SNX13: variants seen among roughly 807,000 people sequenced by gnomAD.
The protein encoded by SNX13 is sorting nexin-13.
Under a neutral mutation model 133.6 loss-of-function variants are expected in SNX13, and 45 were observed. The ratio of observed to expected loss-of-function variants is 0.34; its 90% CI spans 0.27 to 0.43. The LOEUF is 0.43. Among genes scored for constraint, SNX13 ranks in the 20% least tolerant of loss-of-function variants. The pLI is 1.00. For missense variants in SNX13, 1,032 were observed against 1,145.1 expected, an observed-to-expected ratio of 0.90 and a Z score of 1.43; for synonymous variants, 414 against 373.9, an observed-to-expected ratio of 1.11 and a Z score of -1.24.
chr7:17,893,868 A>G (rs1450034121), intron 2 of SNX13, among the ~76,000 whole-genome samples: 2 of 151,208 alleles, frequency 1.3e-5, no homozygotes, highest in Non-Finnish European at 2.9e-5. Context: ...GCTACTTGGG[A>G]GGCTGAGGCA....
At chr7:17,808,793 C>A (rs929261218) in intron 20 of SNX13, among the ~76,000 whole-genome samples, 1 of 152,070 alleles carries the variant, frequency 6.6e-6, no homozygotes, top group Non-Finnish European at 1.5e-5. Context: ...AGAGTGAGGG[C>A]CAATATTCAA....
chr7:17,832,124 AATAACTG>A, intron 15 of SNX13: 1 of 984,266 alleles, frequency 1.0e-6, no homozygotes, highest in Non-Finnish European at 1.2e-6. Context: ...GGGGTTACTC[AATAACTG>A]ATATATAAGA....
intron 5 of SNX13, chr7:17,888,920 T>C (rs1796311826): frequency 1.4e-5 from 4 of 278,812 alleles, no homozygotes; most frequent in Middle Eastern, 1.2e-3. Flanking sequence ...AAACTCAAGT[T>C]TTCAGATTAC....
chr7:17,811,354 A>G (rs1186867163), intron 20 of SNX13, among the ~76,000 whole-genome samples: 1 of 152,202 alleles, frequency 6.6e-6, no homozygotes, highest in African/African-American at 2.4e-5. Context: ...CTATACACCA[A>G]TAATAGACAA....
At chr7:17,927,209 T>C (rs757119293) in intron 1 of SNX13, among the ~76,000 whole-genome samples, 48 of 149,782 alleles carry the variant, frequency 3.2e-4, no homozygotes, top group South Asian at 1.2e-3. Flanking sequence ...TGTGTATATA[T>C]AATATATATG....
intron 22 of SNX13, among the ~76,000 whole-genome samples, chr7:17,799,948 C>A (rs1463645271): frequency 2.0e-5 from 3 of 151,732 alleles, no homozygotes; most frequent in African/African-American, 7.2e-5. Flanking sequence ...AATTTAAATA[C>A]TGGCAAGAAA....
chr7:17,886,185 TCA>T (rs1437240930), intron 5 of SNX13, among the ~76,000 whole-genome samples: 1 of 152,116 alleles, frequency 6.6e-6, no homozygotes, highest in African/African-American at 2.4e-5. Flanking sequence ...ATCATTAGTA[TCA>T]CAGCCAGCGA....
intron 1 of SNX13, among the ~76,000 whole-genome samples, chr7:17,938,369 A>T (rs1802354515): frequency 6.6e-6 from 1 of 152,200 alleles, no homozygotes; most frequent in African/African-American, 2.4e-5. Flanking sequence ...ACTGTCACTA[A>T]TATTTAATAA....
chr7:17,901,004 G>T (rs1325976595), intron 1 of SNX13, among the ~76,000 whole-genome samples: 2 of 150,412 alleles, frequency 1.3e-5, no homozygotes, highest in Non-Finnish European at 3.0e-5. Context: ...TGATTATTCA[G>T]GGACCAAGGG....
chr7:17,869,348 T>C (rs1793772900), intron 8 of SNX13, among the ~76,000 whole-genome samples: 1 of 152,150 alleles, frequency 6.6e-6, no homozygotes, highest in East Asian at 1.9e-4. Flanking sequence ...CTCAAGGTCA[T>C]TGTTTTAAAC....
chr7:17,832,147 A>G, intron 15 of SNX13: 2 of 984,336 alleles, frequency 2.0e-6, no homozygotes, highest in East Asian at 1.1e-4. Context: ...TAAGAGAAGC[A>G]TATTTACTTC....
intron 1 of SNX13, among the ~76,000 whole-genome samples, chr7:17,922,303 T>C (rs1800211300): frequency 6.6e-6 from 1 of 152,146 alleles, no homozygotes; most frequent in African/African-American, 2.4e-5. Flanking sequence ...GGGGTCTTAG[T>C]TTCCACTACA....
chr7:17,847,325 T>G (rs186184945), intron 11 of SNX13, among the ~76,000 whole-genome samples: 117 of 152,210 alleles, frequency 7.7e-4, no homozygotes, highest in African/African-American at 2.6e-3. Flanking sequence ...TTAAGGGTTT[T>G]TTTGTTTGTT....
intron 17 of SNX13, among the ~76,000 whole-genome samples, chr7:17,824,472 C>A (rs1352810234): frequency 6.6e-6 from 1 of 152,042 alleles, no homozygotes; most frequent in African/African-American, 2.4e-5. Flanking sequence ...GTTTACCATG[C>A]ATAATTACCA....
At chr7:17,809,917 A>G (rs774733790) in intron 20 of SNX13, among the ~76,000 whole-genome samples, 1 of 152,222 alleles carries the variant, frequency 6.6e-6, no homozygotes, top group Non-Finnish European at 1.5e-5. Flanking sequence ...GTTCCTTGAA[A>G]CTAATGAGAA....
At chr7:17,871,367 G>C (rs80086306) in intron 8 of SNX13, among the ~76,000 whole-genome samples, 2 of 152,080 alleles carry the variant, frequency 1.3e-5, no homozygotes, top group African/African-American at 2.4e-5. Flanking sequence ...TGGCACTTTT[G>C]GGGGAAAATG....
intron 11 of SNX13, among the ~76,000 whole-genome samples, chr7:17,848,263 C>G (rs1314978881): frequency 6.6e-6 from 1 of 152,168 alleles, no homozygotes; most frequent in Non-Finnish European, 1.5e-5. Flanking sequence ...GCCCCATTCC[C>G]CTTTTCAGCT....
rs1562642995 is a variant in SNX13 at position 17,796,899 on chromosome 7, GAAC to G, written c.2551_2553del (p.Val851del). The G allele has an allele frequency of 6.2e-7, 1 of 1,611,042 alleles. No homozygotes were observed. Among genetic ancestry groups the G allele is most frequent in the Non-Finnish European group, 8.5e-7 (1 of 1,178,084 alleles). ...ATTCGAATACTTTTATCTCTGCATG[GAAC>G]AGCCTCTGCTAAAATGCCATTTGGC... On this transcript the variant is annotated inframe_deletion, in exon 25 of 26. Transcript: ENST00000428135.
At chr7:17,806,720 G>C (rs1785341413) in intron 20 of SNX13, among the ~76,000 whole-genome samples, 1 of 152,208 alleles carries the variant, frequency 6.6e-6, no homozygotes, top group Non-Finnish European at 1.5e-5. Context: ...GATCAACGCA[G>C]AAGGTGGGTG....
Sources: gnomAD v4.1 joint callset for allele counts (sites outside exome capture counted in the v4.1 genomes callset) on GRCh38, gnomAD v4.1.1 for gene constraint, MANE v1.5 for transcripts, NCBI Gene and HGNC (gene_info 2026-07-23, HGNC 2026-07-21) for gene names.